Variants in GLP1R observed in about 807,000 individuals in gnomAD.
The protein encoded by GLP1R is glucagon like peptide 1 receptor.
GLP1R carries 32 observed loss-of-function variants against 68.4 expected under a neutral mutation model. The ratio of observed to expected loss-of-function variants is 0.47; its 90% CI spans 0.35 to 0.63. The LOEUF is 0.63. Ranked by LOEUF, GLP1R falls within the 20% of genes least tolerant of loss-of-function variation. GLP1R has a pLI of 0.00. For synonymous variants in GLP1R, 263 were observed against 244.4 expected (o/e 1.08, Z -0.71); for missense variants, 502 against 594.9 (o/e 0.84, Z 1.62).
At chr6:39,056,898 G>A (rs1460518510) in intron 2 of GLP1R, among the ~76,000 whole-genome samples, 2 of 152,092 alleles carry the variant, frequency 1.3e-5, no homozygotes, top group Non-Finnish European at 2.9e-5. Flanking sequence ...TTCCATTTTT[G>A]TCCTCAGCAC....
rs1292543253 is a variant in GLP1R, at chr6:39,049,222, G to A, written c.78+304G>A. On this transcript the variant is annotated intron_variant, in intron 1 of 12. Transcript: ENST00000373256. This position sits in a 1 kb window ranked among gnomAD's most constrained non-coding sequence, Gnocchi z 4.5. ...GCCGCCCTGCGCTGACTTCTGCTCCGCTTCTCCTTTGTCCCCAGCACTTTC... is the reference window on the plus strand; with the variant it reads ...GCCGCCCTGCGCTGACTTCTGCTCCACTTCTCCTTTGTCCCCAGCACTTTC... Among the ~76,000 whole-genome samples, 1 of 152,112 alleles carries A rather than the reference G, an allele frequency of 6.6e-6. No homozygotes were observed. Among genetic ancestry groups the A allele is most frequent in the Non-Finnish European group, 1.5e-5 (1 of 67,998 alleles).
chr6:39,079,741 A>G lies in GLP1R; in HGVS notation c.1182+39A>G. On this transcript the variant is annotated intron_variant, in intron 11 of 12. Transcript: ENST00000373256. The surrounding 1 kb of genome is among the most constrained non-coding windows in gnomAD (Gnocchi z 4.5). ...TGGGGACACTTGCTTGTAAAGTCCT[A>G]GAGTGGGGGTGGGACAGACACCAGC... 1.9e-6 allele frequency: 3 copies of G among 1,578,688 alleles called. No homozygotes were observed. The highest frequency in any genetic ancestry group is 2.6e-6 in the Non-Finnish European group (3 of 1,150,758).
rs1768040507 is a variant in GLP1R, at chr6:39,049,641, C to T, written c.78+723C>T. On this transcript the variant is annotated intron_variant, in intron 1 of 12. Coordinates refer to ENST00000373256, the MANE Select transcript of GLP1R (RefSeq NM_002062.5). This position sits in a 1 kb window ranked among gnomAD's most constrained non-coding sequence, Gnocchi z 4.5. ...ACTCTGCTGACCTCCCATTCTCATC[C>T]TGCACTGACAGCAGGCCCCAAGAGA... Among the ~76,000 whole-genome samples the T allele has an allele frequency of 6.6e-6, 1 of 152,170 alleles. No individual in the cohort carries two copies. Among genetic ancestry groups the T allele is most frequent in the African/African-American group, 2.4e-5 (1 of 41,424 alleles).
In GLP1R at chr6:39,088,216, G is replaced by A. The variant is rs142948442; in HGVS notation, c.*2143G>A. ...CCCCTACACCCAAGTCTTTTAACAC[G>A]GAGGAAGTTTTTCCTTCATGAATAC... On this transcript the variant is annotated 3_prime_UTR_variant, in exon 13 of 13. Transcript: ENST00000373256. Among the ~76,000 whole-genome samples, 4 of 152,096 alleles carry A rather than the reference G, an allele frequency of 2.6e-5. No homozygotes were observed. Among genetic ancestry groups the A allele is most frequent in the South Asian group, 2.1e-4 (1 of 4,804 alleles).
chr6:39,078,806 G>C, intron 8 of GLP1R, 151 bp from the exon 9 acceptor site: 1 of 706,528 alleles, frequency 1.4e-6, no homozygotes, highest in South Asian at 1.6e-5. Flanking sequence ...GGGCTCTGTG[G>C]GTCCATGGGA....
intron 7 of GLP1R, among the ~76,000 whole-genome samples, chr6:39,075,386 G>T (rs1007741255): frequency 6.6e-6 from 1 of 152,206 alleles, no homozygotes; most frequent in Non-Finnish European, 1.5e-5. Context: ...AGCGCTGTTA[G>T]TGCCTGTCAC....
chr6:39,066,582 G>A lies in GLP1R; in HGVS notation c.509+279G>A, dbSNP rs10305463. 1.7e-3 allele frequency among the ~76,000 whole-genome samples: 254 copies of A among 152,304 alleles called. 5 individuals are homozygous for A. The East Asian group carries it at 0.035, about 21-fold the overall frequency. The stretch of plus-strand genomic sequence containing the variant: ...CACCAACCTCAAAACCTTAACCGTC[G>A]GTGATGGGATTACGGAAAATCCCAG... On this transcript the variant is annotated intron_variant, in intron 5 of 12. Transcript: ENST00000373256.
At chr6:39,076,812 C>T (rs927353482) in intron 7 of GLP1R, among the ~76,000 whole-genome samples, 6 of 152,108 alleles carry the variant, frequency 3.9e-5, no homozygotes, top group Non-Finnish European at 8.8e-5. Context: ...CCATTGAGGG[C>T]GGTGGGAGTG....
Position 39,079,296 on chromosome 6 carries a change from G to C in GLP1R, c.1043+96G>C. 2.0e-6 allele frequency: 2 copies of C among 988,228 alleles called. No individual in the cohort carries two copies. The highest frequency in any genetic ancestry group is 3.5e-5 in the Admixed American group (2 of 56,926). 61.2% of individuals were successfully genotyped at this position (988,228 alleles called of 1,614,324 possible). The stretch of plus-strand genomic sequence containing the variant: ...GAGAGATCCTGGGATGCTTAGCTTA[G>C]AGCCCTACACTACCCTCTCCTTCCA... On this transcript the variant is annotated intron_variant, in intron 10 of 12. Transcript: ENST00000373256. This position sits in a 1 kb window ranked among gnomAD's most constrained non-coding sequence, Gnocchi z 4.5.
At chr6:39,084,175 G>T (rs150535245) in intron 12 of GLP1R, among the ~76,000 whole-genome samples, 1 of 152,316 alleles carries the variant, frequency 6.6e-6, no homozygotes, top group Non-Finnish European at 1.5e-5. Context: ...TGAGCGACCT[G>T]AGGAAATAAA....
At chr6:39,054,099 A>C (rs552106727) in intron 1 of GLP1R, among the ~76,000 whole-genome samples, 6 of 151,036 alleles carry the variant, frequency 4.0e-5, no homozygotes, top group African/African-American at 1.5e-4. Context: ...TTGAGTCTGC[A>C]CTGAACCCTG....
In GLP1R at chr6:39,068,120, A is replaced by T. The variant is rs183262464; in HGVS notation, c.509+1817A>T. On this transcript the variant is annotated intron_variant, in intron 5 of 12. Transcript: ENST00000373256. ...TATCTGGAAAAAAATAAAGAATTAA[A>T]ATTCAAATAAAAAAAGAGAGAAATA... 3.0e-3 allele frequency among the ~76,000 whole-genome samples: 454 copies of T among 152,352 alleles called. 7 individuals are homozygous for T. The highest frequency in any genetic ancestry group is 1.5e-3 in the Non-Finnish European group (103 of 68,036).
intron 6 of GLP1R, 118 bp downstream of exon 6, chr6:39,073,133 C>T (rs1265190231): frequency 5.0e-5 from 45 of 909,072 alleles, no homozygotes; most frequent in Non-Finnish European, 7.1e-5. Flanking sequence ...CCTGGCCCTT[C>T]GGGAGCCCCC....
At position 39,080,758 on chromosome 6, in the gene GLP1R, C is replaced by T. The variant is rs573350093; in HGVS notation, c.1224+19C>T. The T allele has an allele frequency of 5.5e-5, 85 of 1,544,712 alleles. No individual in the cohort carries two copies. Among genetic ancestry groups the T allele is most frequent in the South Asian group, 2.7e-4 (23 of 85,670 alleles). The stretch of plus-strand genomic sequence containing the variant: ...CAATGAGGTAAGCTCTGAGGAGGGA[C>T]GGTGGGGACCCTGGTGGGTGGGTAC... On this transcript the variant is annotated intron_variant, in intron 12 of 12. Transcript: ENST00000373256.
chr6:39,079,310 C>A lies in GLP1R; in HGVS notation c.1043+110C>A. 1 of 899,308 alleles carries A rather than the reference C, an allele frequency of 1.1e-6. No homozygotes were observed. 55.7% of individuals were successfully genotyped at this position (899,308 alleles called of 1,614,324 possible). A position where few individuals can be genotyped will look rare whatever the true frequency, so the allele number is the denominator to read the frequency against. On this transcript the variant is annotated intron_variant, in intron 10 of 12. Coordinates refer to ENST00000373256, the MANE Select transcript of GLP1R (RefSeq NM_002062.5). This position sits in a 1 kb window ranked among gnomAD's most constrained non-coding sequence, Gnocchi z 4.5. ...TGCTTAGCTTAGAGCCCTACACTAC[C>A]CTCTCCTTCCACCCAGGCCTGGCCT... is the stretch of plus-strand genomic sequence containing the variant.
intron 5 of GLP1R, among the ~76,000 whole-genome samples, chr6:39,072,622 G>C (rs1331048703): frequency 6.6e-6 from 1 of 152,244 alleles, no homozygotes; most frequent in Non-Finnish European, 1.5e-5. Flanking sequence ...GAGAAGGATA[G>C]AATGTGGATG....
Position 39,088,197 on chromosome 6 carries a change from C to T in GLP1R, c.*2124C>T, listed in dbSNP as rs1769198360. On this transcript the variant is annotated 3_prime_UTR_variant, in exon 13 of 13. Transcript: ENST00000373256. The stretch of plus-strand genomic sequence containing the variant: ...TTTCAGAAGGCTCATCAGACCCCTA[C>T]ACCCAAGTCTTTTAACACGGAGGAA... 2.0e-5 allele frequency among the ~76,000 whole-genome samples: 3 copies of T among 152,142 alleles called. No individual in the cohort carries two copies. Among genetic ancestry groups the T allele is most frequent in the Admixed American group, 6.5e-5 (1 of 15,268 alleles).
chr6:39,080,881 TC>T, intron 12 of GLP1R, 142 bp downstream of exon 12: 1 of 548,684 alleles, frequency 1.8e-6, no homozygotes, highest in Non-Finnish European at 3.3e-6. Context: ...TGAGAAGCCA[TC>T]TTGTCCACAG....
rs10305522 is a variant in GLP1R, at chr6:39,087,740, C to T, written c.*1667C>T. On this transcript the variant is annotated 3_prime_UTR_variant, in exon 13 of 13. Transcript: ENST00000373256. ...CACATCAAGTAGAAAATTTCTTATA[C>T]TTCAGCTTCAGTGAAGTGTTGTCTA... 0.065 allele frequency: 9,939 copies of T among 152,260 alleles called. 454 individuals are homozygous for T. The highest frequency in any genetic ancestry group is 0.17 in the Middle Eastern group (50 of 294). 9.4% of individuals were successfully genotyped at this position (152,260 alleles called of 1,614,324 possible).
Sources: gnomAD v4.1 joint callset for allele counts (sites outside exome capture counted in the v4.1 genomes callset) on GRCh38, gnomAD v4.1.1 for gene constraint, Gnocchi (gnomAD v3.1) non-coding constraint, MANE v1.5 for transcripts, NCBI Gene and HGNC (gene_info 2026-07-23, HGNC 2026-07-21) for gene names.